The following RALGAPA2 variants were observed in gnomAD, a reference collection of about 807,000 sequenced individuals.
RALGAPA2 encodes the protein ral GTPase-activating protein subunit alpha-2.
A neutral mutation model predicts 230.4 loss-of-function variants in RALGAPA2; 139 were observed. That is an observed-to-expected ratio of 0.60 (90% CI 0.53 to 0.69). The LOEUF (loss-of-function observed/expected upper bound fraction) is 0.69, where lower values mean the gene tolerates loss of function less well. Among genes scored for constraint, RALGAPA2 ranks in the 30% least tolerant of loss-of-function variants. RALGAPA2 has a pLI of 0.00. For synonymous variants in RALGAPA2, 847 were observed against 837.8 expected (o/e 1.01, Z -0.19); for missense variants, 2,163 against 2,276.0 (o/e 0.95, Z 1.01).
chr20:20,540,796 A>C (rs535750721), intron 24 of RALGAPA2, among the ~76,000 whole-genome samples: 1 of 152,006 alleles, frequency 6.6e-6, no homozygotes, highest in African/African-American at 2.4e-5. Flanking sequence ...TATATATTTA[A>C]AGTATATACA....
chr20:20,596,042 A>G (rs1291634813), intron 16 of RALGAPA2, among the ~76,000 whole-genome samples: 2 of 152,196 alleles, frequency 1.3e-5, no homozygotes, highest in East Asian at 3.9e-4. Context: ...AACAAATAAA[A>G]GAAAATCACA....
chr20:20,442,638 G>T (rs1489883870), intron 37 of RALGAPA2, among the ~76,000 whole-genome samples: 1 of 152,200 alleles, frequency 6.6e-6, no homozygotes, highest in Non-Finnish European at 1.5e-5. Context: ...TCTTCCTAAA[G>T]CAGACTGGTA....
At chr20:20,471,619 C>T (rs1383756827) in intron 37 of RALGAPA2, 1 of 152,106 alleles carries the variant, frequency 6.6e-6, no homozygotes, top group Non-Finnish European at 1.5e-5. Context: ...ATTACGTCTA[C>T]AGTGTTGTGG....
chr20:20,546,741 G>C lies in RALGAPA2; in HGVS notation c.3248C>G (p.Thr1083Arg). 1 of 1,611,666 alleles carries C rather than the reference G, an allele frequency of 6.2e-7. No individual in the cohort carries two copies. Among genetic ancestry groups the C allele is most frequent in the South Asian group, 1.1e-5 (1 of 90,710 alleles). ...GFSMLVGDFI[T>R]AAARVLSTDI... is the part of the protein sequence containing the mutation. ...TGTGCTAAGGACCCTGGCAGCGGCC[G>C]TGATGAAGTCCCCCACCAGCATTGA... Residue 1083 changes from threonine (T) to arginine (R), a missense_variant, in exon 24 of 40, where the codon ACG (threonine) becomes AGG (arginine). Transcript: ENST00000202677.
intron 8 of RALGAPA2, among the ~76,000 whole-genome samples, chr20:20,636,603 C>G (rs757467693): frequency 6.6e-6 from 1 of 151,632 alleles, no homozygotes; most frequent in Non-Finnish European, 1.5e-5. Flanking sequence ...TAGAAACACA[C>G]AGAGTACAGA....
At chr20:20,561,914 C>G (rs538039358) in intron 23 of RALGAPA2, among the ~76,000 whole-genome samples, 1 of 152,302 alleles carries the variant, frequency 6.6e-6, no homozygotes, top group South Asian at 2.1e-4. Flanking sequence ...TTTCACCCAC[C>G]AAATGACAGT....
chr20:20,618,062 T>G (rs1285689272), intron 12 of RALGAPA2, among the ~76,000 whole-genome samples: 3 of 152,214 alleles, frequency 2.0e-5, no homozygotes, highest in African/African-American at 7.2e-5. Flanking sequence ...GAAATGATGT[T>G]GAATCAAACC....
chr20:20,657,786 T>C lies in RALGAPA2; in HGVS notation c.271-4199A>G, dbSNP rs185937227. On this transcript the variant is annotated intron_variant, in intron 3 of 39. Transcript: ENST00000202677. Reference sequence around the variant, plus strand: ...TCATATTCTGATCCCATCTTGCCACTTAAACATTTCATATAGGAAATGCTG... The same window carrying C: ...TCATATTCTGATCCCATCTTGCCACCTAAACATTTCATATAGGAAATGCTG... Among the ~76,000 whole-genome samples, 277 of 152,234 alleles carry C rather than the reference T, an allele frequency of 1.8e-3. 2 individuals are homozygous for C. The highest frequency in any genetic ancestry group is 6.2e-3 in the African/African-American group (259 of 41,552).
At chr20:20,705,207 T>C (rs1452637566) in intron 1 of RALGAPA2, among the ~76,000 whole-genome samples, 1 of 152,234 alleles carries the variant, frequency 6.6e-6, no homozygotes, top group East Asian at 1.9e-4. Flanking sequence ...TGTTTGTGAC[T>C]TGATTTTTGT....
intron 4 of RALGAPA2, among the ~76,000 whole-genome samples, chr20:20,647,898 T>C (rs2067269348): frequency 6.6e-6 from 1 of 152,228 alleles, no homozygotes; most frequent in South Asian, 2.1e-4. Flanking sequence ...GGAGCTCTTA[T>C]GTTGCTGGTA....
chr20:20,538,421 C>G (rs967768807), intron 24 of RALGAPA2, among the ~76,000 whole-genome samples: 2 of 152,086 alleles, frequency 1.3e-5, no homozygotes, highest in African/African-American at 2.4e-5. Flanking sequence ...CTGAAAGGGT[C>G]AGAAGCAGTC....
intron 1 of RALGAPA2, among the ~76,000 whole-genome samples, chr20:20,690,188 A>G (rs1286751430): frequency 6.6e-6 from 1 of 152,202 alleles, no homozygotes; most frequent in Non-Finnish European, 1.5e-5. Context: ...CACTGGAAAC[A>G]TGTGATATGG....
At chr20:20,661,935 C>T (rs2067795786) in intron 3 of RALGAPA2, among the ~76,000 whole-genome samples, 2 of 152,128 alleles carry the variant, frequency 1.3e-5, no homozygotes, top group African/African-American at 4.8e-5. Flanking sequence ...CAACAAATAA[C>T]ATAGCATGAA....
rs905844154 is a variant in RALGAPA2 at position 20,437,365 on chromosome 20, A to G, written c.5496-25217T>C. 5.3e-5 allele frequency among the ~76,000 whole-genome samples: 8 copies of G among 152,000 alleles called. No individual in the cohort carries two copies. Among genetic ancestry groups the G allele is most frequent in the Non-Finnish European group, 1.2e-4 (8 of 67,968 alleles). On this transcript the variant is annotated intron_variant, in intron 37 of 39. Coordinates refer to ENST00000202677, the MANE Select transcript of RALGAPA2 (RefSeq NM_020343.4). This position sits in a 1 kb window ranked among gnomAD's most constrained non-coding sequence, Gnocchi z 4.1. ...CACACGCCACCATCCAGGCCACGCC[A>G]TTGTCATTTCGTTCCTGGATTATGG...
chr20:20,677,596 A>G (rs2068373658), intron 2 of RALGAPA2, among the ~76,000 whole-genome samples: 1 of 148,952 alleles, frequency 6.7e-6, no homozygotes, highest in Non-Finnish European at 1.5e-5. Flanking sequence ...CCCGTTTGAA[A>G]CTTTACAGCA....
At position 20,675,148 on chromosome 20, in the gene RALGAPA2, G is replaced by A. The variant is rs567569046; in HGVS notation, c.270+1088C>T. On this transcript the variant is annotated intron_variant, in intron 3 of 39. Coordinates refer to ENST00000202677, the MANE Select transcript of RALGAPA2 (RefSeq NM_020343.4). ...ATTTCACAGGTTTCATTCAAAGGAC[G>A]GTAAACACAGGAAACATAATAACCA... 5.9e-5 allele frequency among the ~76,000 whole-genome samples: 9 copies of A among 152,120 alleles called. No individual in the cohort carries two copies. In the East Asian group the frequency reaches 1.2e-3, roughly 20 times the overall value.
At chr20:20,631,689 T>C (rs1388334228) in intron 9 of RALGAPA2, among the ~76,000 whole-genome samples, 17 of 152,216 alleles carry the variant, frequency 1.1e-4, no homozygotes, top group Admixed American at 1.1e-3. Flanking sequence ...TGTAAGATAA[T>C]AAATTTGTAC....
chr20:20,431,919 A>G (rs1418999935), intron 37 of RALGAPA2, among the ~76,000 whole-genome samples: 1 of 152,226 alleles, frequency 6.6e-6, no homozygotes, highest in Non-Finnish European at 1.5e-5. Context: ...CCTCTATGCA[A>G]AGTTGAAGTA....
intron 1 of RALGAPA2, among the ~76,000 whole-genome samples, chr20:20,703,150 G>A (rs190431296): frequency 0.011 from 1,649 of 151,754 alleles, 17 homozygotes; most frequent in South Asian, 0.059. Context: ...TCCAGCCTGC[G>A]TGACAAACCA....
Sources: gnomAD v4.1 joint callset for allele counts (sites outside exome capture counted in the v4.1 genomes callset) on GRCh38, gnomAD v4.1.1 for gene constraint, Gnocchi (gnomAD v3.1) non-coding constraint, MANE v1.5 for transcripts, NCBI Gene and HGNC (gene_info 2026-07-23, HGNC 2026-07-21) for gene names.